ATP2B2: variants seen among roughly 807,000 people sequenced by gnomAD.
ATP2B2 encodes ATPase plasma membrane Ca2+ transporting 2.
ATP2B2 carries 15 observed loss-of-function variants against 120.0 expected under a neutral mutation model. The observed-to-expected ratio is 0.12, with a 90% CI of 0.08 to 0.19. The LOEUF (loss-of-function observed/expected upper bound fraction) is 0.19, where lower values mean the gene tolerates loss of function less well. ATP2B2 is among the 10% of genes least tolerant of loss of function. The pLI, the probability that ATP2B2 is intolerant of heterozygous loss-of-function variation, is 1.00. For missense variants in ATP2B2, 1,045 were observed against 1,719.8 expected (o/e 0.61, Z 6.94); for synonymous variants, 694 against 700.3 (o/e 0.99, Z 0.14).
intron 1 of ATP2B2, among the ~76,000 whole-genome samples, chr3:10,471,397 T>TGCAC (rs1198953284): frequency 1.4e-5 from 2 of 141,978 alleles, no homozygotes; most frequent in African/African-American, 5.1e-5. Context: ...TGTGTGTGTG[T>TGCAC]GTTTGTGTGC....
At chr3:10,612,473 C>T (rs906535536) in intron 2 of ATP2B2, among the ~76,000 whole-genome samples, 6 of 152,162 alleles carry the variant, frequency 3.9e-5, no homozygotes, top group African/African-American at 1.4e-4. Flanking sequence ...CTCCTCCTAC[C>T]TCTCTGGCCC....
intron 1 of ATP2B2, among the ~76,000 whole-genome samples, chr3:10,686,670 G>A (rs566512100): frequency 6.6e-6 from 1 of 151,554 alleles, no homozygotes. Flanking sequence ...AAAAAAGCAC[G>A]CAATCATTCA....
chr3:10,416,040 C>A (rs2062770406), intron 2 of ATP2B2, among the ~76,000 whole-genome samples: 1 of 152,070 alleles, frequency 6.6e-6, no homozygotes, highest in African/African-American at 2.4e-5. Flanking sequence ...CTGGGGAAAC[C>A]CAAGCACAGA....
At chr3:10,650,837 C>T (rs779868396) in intron 1 of ATP2B2, among the ~76,000 whole-genome samples, 1 of 152,232 alleles carries the variant, frequency 6.6e-6, no homozygotes. Flanking sequence ...GGGAGCTATG[C>T]CCTGCAAAGC....
In ATP2B2 at chr3:10,375,334, G is replaced by T; in HGVS notation, c.1416+96C>A. On this transcript the variant is annotated intron_variant, in intron 11 of 22. Transcript: ENST00000360273. This position sits in a 1 kb window ranked among gnomAD's most constrained non-coding sequence, Gnocchi z 4.2. ...CCTAGGGGGTCTATGGGGCTTCTTCGTTCATCTCCCAACCCCAGCACCAGC... is the reference window on the plus strand; with the variant it reads ...CCTAGGGGGTCTATGGGGCTTCTTCTTTCATCTCCCAACCCCAGCACCAGC... The T allele has an allele frequency of 8.9e-7, 1 of 1,122,560 alleles. No homozygotes were observed. Among genetic ancestry groups the T allele is most frequent in the South Asian group, 1.3e-5 (1 of 78,650 alleles). The allele number at this position is 1,122,560 out of a possible 1,614,324, so 69.5% of individuals were successfully genotyped here.
intron 1 of ATP2B2, among the ~76,000 whole-genome samples, chr3:10,648,533 C>T (rs565215479): frequency 4.0e-4 from 61 of 152,306 alleles, no homozygotes; most frequent in African/African-American, 1.4e-3. Flanking sequence ...CCATACTTCT[C>T]GCCAGAGCCC....
chr3:10,343,655 G>A lies in ATP2B2; in HGVS notation c.2704-690C>T, dbSNP rs2060348833. Among the ~76,000 whole-genome samples the A allele has an allele frequency of 1.3e-5, 2 of 151,882 alleles. No individual in the cohort carries two copies. The highest frequency in any genetic ancestry group is 2.1e-4 in the South Asian group (1 of 4,818). On this transcript the variant is annotated intron_variant, in intron 18 of 22. Coordinates refer to ENST00000360273, the MANE Select transcript of ATP2B2 (RefSeq NM_001001331.4). The surrounding 1 kb of genome is among the most constrained non-coding windows in gnomAD (Gnocchi z 4.2). ...TCCCCATCCTTCCTCACACCCCCAC[G>A]TATCTTGTCCACAGCAGCCAGACTT...
At chr3:10,433,608 T>C (rs2063388638) in intron 2 of ATP2B2, among the ~76,000 whole-genome samples, 1 of 152,190 alleles carries the variant, frequency 6.6e-6, no homozygotes, top group African/African-American at 2.4e-5. Flanking sequence ...GCAGCTATGT[T>C]ACAAGACGAA....
intron 8 of ATP2B2, among the ~76,000 whole-genome samples, chr3:10,379,982 C>A (rs1398021414): frequency 6.6e-6 from 1 of 152,126 alleles, no homozygotes; most frequent in Non-Finnish European, 1.5e-5. Flanking sequence ...TCAGGGGTCC[C>A]CATGGTGGTA....
rs139614656 is a variant in ATP2B2 at position 10,558,471 on chromosome 3, T to C, written c.-414-24338A>G. Among the ~76,000 whole-genome samples the C allele has an allele frequency of 1.6e-3, 243 of 152,226 alleles. 2 individuals carry two copies. The highest frequency in any genetic ancestry group is 5.7e-3 in the African/African-American group (235 of 41,526). ...AGAAGGTGGGAGGAGGGGGGCACTTTTACCACCACGCAAGGAGAGGATGTC... is the reference window on the plus strand; with the variant it reads ...AGAAGGTGGGAGGAGGGGGGCACTTCTACCACCACGCAAGGAGAGGATGTC... On this transcript the variant is annotated intron_variant, in intron 2 of 21. Transcript: ENST00000646379.
chr3:10,416,741 G>A (rs943700597), intron 2 of ATP2B2, among the ~76,000 whole-genome samples: 14 of 152,056 alleles, frequency 9.2e-5, no homozygotes, highest in African/African-American at 3.4e-4. Context: ...TTTATGAGAG[G>A]GAAGGACTTT....
At chr3:10,539,630 T>C (rs1204449697) in intron 2 of ATP2B2, among the ~76,000 whole-genome samples, 1 of 152,210 alleles carries the variant, frequency 6.6e-6, no homozygotes, top group African/African-American at 2.4e-5. Context: ...GATCCCCTAT[T>C]TAATAAATAG....
intron 5 of ATP2B2, among the ~76,000 whole-genome samples, chr3:10,391,851 C>T (rs1029302243): frequency 2.0e-5 from 3 of 152,208 alleles, no homozygotes; most frequent in Non-Finnish European, 4.4e-5. Flanking sequence ...GAGACCTCTG[C>T]CTTCTTGGCC....
intron 1 of ATP2B2, among the ~76,000 whole-genome samples, chr3:10,638,151 A>G (rs1286296981): frequency 6.6e-6 from 1 of 152,242 alleles, no homozygotes; most frequent in Non-Finnish European, 1.5e-5. Flanking sequence ...CAAGTCTTTC[A>G]GACAAAAGGA....
At chr3:10,682,620 G>A (rs1339437484) in intron 1 of ATP2B2, among the ~76,000 whole-genome samples, 6 of 152,174 alleles carry the variant, frequency 3.9e-5, no homozygotes, top group African/African-American at 1.4e-4. Flanking sequence ...GGCATTTAGG[G>A]GTACGTTTCC....
At chr3:10,408,437 T>G (rs1439369284) in intron 3 of ATP2B2, among the ~76,000 whole-genome samples, 1 of 152,110 alleles carries the variant, frequency 6.6e-6, no homozygotes, top group Non-Finnish European at 1.5e-5. Context: ...GGCCCAGAGC[T>G]CAGATCTCAG....
rs28113 is a variant in ATP2B2, at chr3:10,358,959, G to A, written c.1902-34C>T. On this transcript the variant is annotated intron_variant, in intron 13 of 22. Coordinates refer to ENST00000360273, the MANE Select transcript of ATP2B2 (RefSeq NM_001001331.4). ...GGATGGAAGGGAGATGGGGAGCCCAGGGAATGCTCCTTCTGAAAGGCTTAG... is the reference window on the plus strand; with the variant it reads ...GGATGGAAGGGAGATGGGGAGCCCAAGGAATGCTCCTTCTGAAAGGCTTAG... 0.59 allele frequency: 946,330 copies of A among 1,602,506 alleles called. 287,631 individuals are homozygous for A. Among genetic ancestry groups the A allele is most frequent in the East Asian group, 0.95 (42,584 of 44,752 alleles).
intron 3 of ATP2B2, among the ~76,000 whole-genome samples, chr3:10,512,487 C>T (rs964429232): frequency 1.3e-5 from 2 of 151,806 alleles, no homozygotes; most frequent in Non-Finnish European, 2.9e-5. Flanking sequence ...CACACACACA[C>T]ACACACACAC....
chr3:10,691,652 A>G (rs1340024864), intron 1 of ATP2B2, among the ~76,000 whole-genome samples: 1 of 152,246 alleles, frequency 6.6e-6, no homozygotes, highest in Non-Finnish European at 1.5e-5. Context: ...CCATGGAAAC[A>G]AACTGCTGCT....
Sources: allele counts gnomAD v4.1 joint callset (sites outside exome capture counted in the v4.1 genomes callset), GRCh38; gene constraint gnomAD v4.1.1; non-coding constraint Gnocchi (gnomAD v3.1); transcripts MANE v1.5; gene names NCBI Gene and HGNC (gene_info 2026-07-23, HGNC 2026-07-21).